Variants in REC8 observed in about 807,000 individuals in gnomAD.
REC8 encodes meiotic recombination protein REC8 homolog.
In REC8, 42 loss-of-function variants were observed where a neutral mutation model predicts 78.3. The observed-to-expected ratio is 0.54, with a 90% CI of 0.42 to 0.69. The LOEUF (loss-of-function observed/expected upper bound fraction) is 0.69, where lower values mean the gene tolerates loss of function less well. REC8 is among the 30% of genes least tolerant of loss of function. The probability of loss-of-function intolerance (pLI) is 0.00; values close to 1 mark genes in which losing one functional copy is unlikely to be tolerated. For synonymous variants in REC8, 268 were observed against 274.1 expected (o/e 0.98, Z 0.22); for missense variants, 581 against 715.8 (o/e 0.81, Z 2.15).
downstream of REC8, chr14:24,180,634 G>C (rs780382651): frequency 6.2e-7 from 1 of 1,612,812 alleles, no homozygotes; most frequent in Non-Finnish European, 8.5e-7. Context: ...CAGGCTCTCT[G>C]AGCCCTGCCA....
At position 24,173,177 on chromosome 14, in the gene REC8, G is replaced by A. The variant is rs200268439; in HGVS notation, c.320G>A (p.Arg107Gln). 1.1e-5 allele frequency: 18 copies of A among 1,614,168 alleles called. No individual in the cohort carries two copies. Among genetic ancestry groups the A allele is most frequent in the Non-Finnish European group, 1.2e-5 (14 of 1,180,026 alleles). Residue 107 changes from arginine to glutamine, a missense_variant, in exon 4 of 19, where the codon CGA becomes CAA. By Grantham distance (43) the Arg-to-Gln change is conservative. Coordinates refer to ENST00000611366, the MANE Select transcript of REC8 (RefSeq NM_001048205.2). Reference protein sequence around the residue: ...ERLHRAQLQIRIDMETELPSL... With the variant: ...ERLHRAQLQIQIDMETELPSL... ...CTCCACCGTGCCCAGCTGCAGATCC[G>A]AATAGATATGGAGACTGAGCTGTGA...
intron 12 of REC8, 113 bp from the exon 13 acceptor site, chr14:24,178,493 C>A: frequency 1.7e-6 from 2 of 1,148,038 alleles, no homozygotes; most frequent in East Asian, 2.4e-5. Flanking sequence ...GGGTCATGAG[C>A]GCAAAAGCTG....
Position 24,180,201 on chromosome 14 carries a change from C to A in REC8, c.*106C>A. On this transcript the variant is annotated 3_prime_UTR_variant, in exon 19 of 19. Coordinates refer to ENST00000611366, the MANE Select transcript of REC8 (RefSeq NM_001048205.2). ...CTCATTTCTGAATGTGCATTTCCAG[C>A]CTTCTTGCTCTCAGAGCTATTGTTC... 1.2e-6 allele frequency: 2 copies of A among 1,607,872 alleles called. No individual in the cohort carries two copies. The highest frequency in any genetic ancestry group is 1.7e-6 in the Non-Finnish European group (2 of 1,176,366).
At position 24,175,389 on chromosome 14, in the gene REC8, A is replaced by G. The variant is rs2038845918; in HGVS notation, c.463-154A>G. On this transcript the variant is annotated intron_variant, in intron 5 of 18. Coordinates refer to ENST00000611366, the MANE Select transcript of REC8 (RefSeq NM_001048205.2). The stretch of plus-strand genomic sequence containing the variant: ...GAACAGGAACTGAGGAAAGAAGACC[A>G]GAGGGCGGGTGAGTTTACTGCAAGC... 4 of 620,758 alleles carry G rather than the reference A, an allele frequency of 6.4e-6. No individual in the cohort carries two copies. In the South Asian group the frequency reaches 7.7e-5, roughly 12 times the overall value. 38.5% of individuals were successfully genotyped at this position (620,758 alleles called of 1,614,324 possible).
Position 24,179,631 on chromosome 14 carries a change from A to G in REC8, c.1356A>G (p.Ala452=), listed in dbSNP as rs538496430. ...AGGTGGAGGCGCCAGAAGCTCCTGC[A>G]TTGCCCGTGGTGCCTGAACTCCCTG... ...WPEVEAPEAP[A]LPVVPELPEV... The change falls in exon 17 of 19, where the codon GCA becomes GCG. Residue 452 remains alanine (A), a synonymous_variant. Coordinates refer to ENST00000611366, the MANE Select transcript of REC8 (RefSeq NM_001048205.2). 3.7e-6 allele frequency: 6 copies of G among 1,614,184 alleles called. No homozygotes were observed. In the Admixed American group the frequency reaches 5.0e-5, roughly 13 times the overall value.
Position 24,172,945 on chromosome 14 carries a change from C to A in REC8, c.172C>A (p.Pro58Thr), listed in dbSNP as rs1197168306. 6 of 1,610,700 alleles carry A rather than the reference C, an allele frequency of 3.7e-6. No homozygotes were observed. The African/African-American group carries it at 6.7e-5, about 18-fold the overall frequency. ...GCTGGTACGAGTGCAACCCCCGCAG[C>A]CCGGCCTGCCGCGGCCCCGCTTCTC... is the stretch of plus-strand genomic sequence containing the variant. ...YVLVRVQPPQ[P>T]GLPRPRFSLY... is the part of the protein sequence containing the mutation. Residue 58 changes from proline to threonine, a missense_variant, in exon 3 of 19, where the codon CCC (proline) becomes ACC (threonine). Pro to Thr is a conservative substitution (Grantham distance 38, BLOSUM62 -1). Coordinates refer to ENST00000611366, the MANE Select transcript of REC8 (RefSeq NM_001048205.2).
chr14:24,174,207 C>A (rs1710703143), intron 5 of REC8, among the ~76,000 whole-genome samples: 2 of 152,084 alleles, frequency 1.3e-5, no homozygotes, highest in Admixed American at 6.6e-5. Flanking sequence ...TGGTCTCGAA[C>A]TCCAGACCTC....
Position 24,179,645 on chromosome 14 carries a change from C to T in REC8, c.1370C>T (p.Pro457Leu). 1 of 1,614,234 alleles carries T rather than the reference C, an allele frequency of 6.2e-7. No homozygotes were observed. The highest frequency in any genetic ancestry group is 8.5e-7 in the Non-Finnish European group (1 of 1,180,036). The change falls in exon 17 of 19, where the codon CCT (proline) becomes CTT (leucine). Residue 457 changes from proline to leucine, a missense_variant. Transcript: ENST00000611366. ...GAAGCTCCTGCATTGCCCGTGGTGC[C>T]TGAACTCCCTGAGGTGCCCATGGAG... ...APEAPALPVV[P>L]ELPEVPMEMP...
rs2038750519 is a variant in REC8 at position 24,173,333 on chromosome 14, C to T, written c.384C>T (p.Thr128=). The T allele has an allele frequency of 1.9e-6, 3 of 1,614,048 alleles. No individual in the cohort carries two copies. The South Asian group carries it at 3.3e-5, about 18-fold the overall frequency. The part of the protein sequence containing the change: ...LLPNHLAMME[T]LEDAPDPFFG... The stretch of plus-strand genomic sequence containing the variant: ...CTAACCACCTGGCCATGATGGAGAC[C>T]CTAGAAGATGCTCCAGATCCCTTTT... Residue 128 remains threonine (T), a synonymous_variant, in exon 5 of 19, where the codon ACC becomes ACT. Coordinates refer to ENST00000611366, the MANE Select transcript of REC8 (RefSeq NM_001048205.2).
At chr14:24,177,082 A>G in intron 7 of REC8, 59 bp from the exon 8 acceptor site, 1 of 1,543,640 alleles carries the variant, frequency 6.5e-7, no homozygotes, top group Non-Finnish European at 9.0e-7. Context: ...TCCTGGATCC[A>G]CTTGCCTTTT....
intron 11 of REC8, 120 bp downstream of exon 11, chr14:24,177,878 A>G: frequency 6.8e-7 from 1 of 1,469,916 alleles, no homozygotes. Flanking sequence ...ATGATAAAAG[A>G]TGCCCCTTTC....
chr14:24,178,454 C>G, intron 12 of REC8, 152 bp from the exon 13 acceptor site: 2 of 883,108 alleles, frequency 2.3e-6, no homozygotes, highest in Non-Finnish European at 3.4e-6. Flanking sequence ...GTTAAAAAGT[C>G]CTTCTTTTAG....
At chr14:24,174,061 C>T (rs2038783759) in intron 5 of REC8, among the ~76,000 whole-genome samples, 2 of 151,904 alleles carry the variant, frequency 1.3e-5, no homozygotes, top group African/African-American at 4.8e-5. Flanking sequence ...GACAGGGTTT[C>T]ACCATGCTGG....
chr14:24,173,218 T>C lies in REC8; in HGVS notation c.341+20T>C, dbSNP rs1301710998. ...TGAGCTGTGAGTGTGCCCTGGGCCT[T>C]TGATGGAACACCTGCTAGCTTGGCC... On this transcript the variant is annotated intron_variant, in intron 4 of 18. Coordinates refer to ENST00000611366, the MANE Select transcript of REC8 (RefSeq NM_001048205.2). The C allele has an allele frequency of 6.2e-7, 1 of 1,614,226 alleles. No homozygotes were observed. The highest frequency in any genetic ancestry group is 1.1e-5 in the South Asian group (1 of 91,084).
At chr14:24,175,698 G>C (rs1852644411) in intron 6 of REC8, 74 bp downstream of exon 6, 1 of 1,197,920 alleles carries the variant, frequency 8.3e-7, no homozygotes, top group African/African-American at 1.5e-5. Flanking sequence ...CCATTTTTGA[G>C]CTTAAGAGCC....
rs778046197 is a variant in REC8, at chr14:24,178,177, G to C, written c.951G>C (p.Glu317Asp). 1.2e-6 allele frequency: 2 copies of C among 1,614,074 alleles called. No homozygotes were observed. Among genetic ancestry groups the C allele is most frequent in the East Asian group, 2.2e-5 (1 of 44,884 alleles). The change falls in exon 12 of 19, where the codon GAG becomes GAC. Residue 317 changes from glutamate (E) to aspartate (D), a missense_variant. Glu to Asp is a conservative substitution (Grantham distance 45). Transcript: ENST00000611366. Reference protein sequence around the residue: ...FWDKETQISPEKFQEQLQTRA... With the variant: ...FWDKETQISPDKFQEQLQTRA... ...ACAAGGAGACTCAGATCTCCCCGGA[G>C]AAATTCCAGGAACAACTGCAAACCA...
intron 13 of REC8, 44 bp downstream of exon 13, chr14:24,178,716 T>C (rs1035125836): frequency 2.5e-6 from 4 of 1,613,302 alleles, no homozygotes; most frequent in Non-Finnish European, 8.5e-7. Context: ...TCAAAACCAA[T>C]TCCTCATTCC....
At position 24,172,316 on chromosome 14, in the gene REC8, C is replaced by T; in HGVS notation, c.-237C>T. The T allele has an allele frequency of 1.8e-6, 1 of 556,760 alleles. No homozygotes were observed. The highest frequency in any genetic ancestry group is 3.2e-6 in the Non-Finnish European group (1 of 315,032). The allele number at this position is 556,760 out of a possible 1,614,324, so 34.5% of individuals were successfully genotyped here. On this transcript the variant is annotated 5_prime_UTR_variant, in exon 1 of 19. Transcript: ENST00000611366. ...ACGCATCACGTGGCGTGCGGATCCA[C>T]TGAGGGTCCACAGAGAGGGGCGCCC...
intron 5 of REC8, 149 bp from the exon 6 acceptor site, chr14:24,175,394 G>A (rs2038846119): frequency 1.6e-6 from 1 of 632,196 alleles, no homozygotes; most frequent in Admixed American, 2.5e-5. Context: ...AGACCAGAGG[G>A]CGGGTGAGTT....
Sources: gnomAD v4.1 joint callset for allele counts (sites outside exome capture counted in the v4.1 genomes callset) on GRCh38, gnomAD v4.1.1 for gene constraint, MANE v1.5 for transcripts, NCBI Gene and HGNC (gene_info 2026-07-23, HGNC 2026-07-21) for gene names.